C12orf42: variants seen among roughly 807,000 people sequenced by gnomAD.
C12orf42 encodes the protein uncharacterized protein C12orf42.
A neutral mutation model predicts 21.6 loss-of-function variants in C12orf42; 25 were observed. The ratio of observed to expected loss-of-function variants is 1.16; its 90% CI spans 0.84 to 1.62. C12orf42 has a LOEUF of 1.62. Ranked by LOEUF, C12orf42 falls within the 40% of genes most tolerant of loss-of-function variation. C12orf42 has a pLI of 0.00. For missense variants in C12orf42, 483 were observed against 459.3 expected (o/e 1.05, Z -0.47); for synonymous variants, 174 against 175.0 (o/e 0.99, Z 0.05).
At chr12:103,300,311 A>G (rs1232315343), downstream of C12orf42, among the ~76,000 whole-genome samples, 2 of 152,148 alleles carry the variant, frequency 1.3e-5, no homozygotes, top group Admixed American at 6.5e-5. Context: ...TAATGTTACT[A>G]TGACTCTCTA....
downstream of C12orf42, among the ~76,000 whole-genome samples, chr12:103,266,275 C>T (rs955300206): frequency 6.6e-6 from 1 of 152,078 alleles, no homozygotes; most frequent in Non-Finnish European, 1.5e-5. Context: ...GAGAAAGATA[C>T]ATAAAACAAA....
At chr12:103,127,858 T>A in the C12orf42 span, among the ~76,000 whole-genome samples, 1 of 152,320 alleles carries the variant, frequency 6.6e-6, no homozygotes, top group Admixed American at 6.5e-5. Flanking sequence ...CTTTGCTCCT[T>A]TATATTTTTA....
intron 2 of C12orf42, among the ~76,000 whole-genome samples, chr12:103,428,662 C>T (rs1002564095): frequency 2.6e-5 from 4 of 151,906 alleles, no homozygotes; most frequent in African/African-American, 9.7e-5. Flanking sequence ...AGAGACACAA[C>T]AAAAAAAGAA....
chr12:103,532,952 A>T, the C12orf42 span, among the ~76,000 whole-genome samples: 2 of 152,142 alleles, frequency 1.3e-5, no homozygotes, highest in African/African-American at 4.8e-5. Context: ...GACAACGGGG[A>T]ATTGTGTTTC....
the C12orf42 span, among the ~76,000 whole-genome samples, chr12:103,172,315 G>C: frequency 1.3e-5 from 2 of 152,030 alleles, no homozygotes; most frequent in Admixed American, 1.3e-4. Context: ...ATGAGTACGT[G>C]GTGAAGTAAC....
At chr12:103,193,852 A>G in the C12orf42 span, among the ~76,000 whole-genome samples, 3 of 152,176 alleles carry the variant, frequency 2.0e-5, no homozygotes, top group African/African-American at 7.2e-5. Flanking sequence ...TCACTCTGAT[A>G]CCAAAAGCAG....
the C12orf42 span, among the ~76,000 whole-genome samples, chr12:103,114,526 G>A: frequency 6.6e-6 from 1 of 152,168 alleles, no homozygotes; most frequent in Non-Finnish European, 1.5e-5. Context: ...CCCTCAAGGG[G>A]ACTCTGATAA....
At chr12:103,435,547 A>G (rs562132155) in intron 2 of C12orf42, among the ~76,000 whole-genome samples, 261 of 152,350 alleles carry the variant, frequency 1.7e-3, no homozygotes, top group African/African-American at 6.0e-3. Flanking sequence ...AATACAGAGA[A>G]GTGCTTAAAG....
intron 1 of C12orf42, among the ~76,000 whole-genome samples, chr12:103,489,567 A>G (rs530226856): frequency 2.6e-5 from 4 of 152,312 alleles, no homozygotes; most frequent in African/African-American, 9.6e-5. Context: ...AAGTGCCTCT[A>G]TGGAGGCAGT....
intron 2 of C12orf42, among the ~76,000 whole-genome samples, chr12:103,422,825 G>T (rs1251511339): frequency 6.7e-6 from 1 of 149,348 alleles, no homozygotes; most frequent in Non-Finnish European, 1.5e-5. Flanking sequence ...ATTGCAACCT[G>T]GGAACATTAA....
the C12orf42 span, among the ~76,000 whole-genome samples, chr12:103,096,981 CAA>C: frequency 7.9e-3 from 1,207 of 152,308 alleles, 4 homozygotes; most frequent in Middle Eastern, 0.02. Context: ...GATAGGCAAA[CAA>C]TCACTGTACA....
chr12:103,215,359 T>C, the C12orf42 span, among the ~76,000 whole-genome samples: 1 of 152,120 alleles, frequency 6.6e-6, no homozygotes, highest in Non-Finnish European at 1.5e-5. Context: ...AATAAAAATC[T>C]GATAATGACA....
At chr12:103,498,721 G>T (rs1180275265), upstream of C12orf42, among the ~76,000 whole-genome samples, 2 of 152,144 alleles carry the variant, frequency 1.3e-5, no homozygotes, top group African/African-American at 4.8e-5. Flanking sequence ...GCCTTTGCAG[G>T]TACATGGATG....
chr12:103,199,177 T>C, the C12orf42 span, among the ~76,000 whole-genome samples: 1 of 152,176 alleles, frequency 6.6e-6, no homozygotes, highest in African/African-American at 2.4e-5. Context: ...GGTCAACTGA[T>C]GTTTCACAAC....
chr12:103,280,075 T>C (rs143079980), intron 4 of C12orf42, among the ~76,000 whole-genome samples: 111 of 152,332 alleles, frequency 7.3e-4, no homozygotes, highest in African/African-American at 2.6e-3. Flanking sequence ...ACATTGAATA[T>C]GTACAATGTC....
the C12orf42 span, among the ~76,000 whole-genome samples, chr12:103,522,062 C>G: frequency 6.6e-6 from 1 of 152,098 alleles, no homozygotes; most frequent in Non-Finnish European, 1.5e-5. Context: ...TTGGCTGTGT[C>G]CCCACCCAAA....
At chr12:103,182,600 C>G in the C12orf42 span, among the ~76,000 whole-genome samples, 8 of 152,264 alleles carry the variant, frequency 5.3e-5, no homozygotes, top group East Asian at 1.5e-3. Context: ...GCACACTAAC[C>G]ACTAGGGGTT....
the C12orf42 span, among the ~76,000 whole-genome samples, chr12:103,069,638 AAAGTCAAAAAATTGT>A: frequency 2.6e-5 from 4 of 152,210 alleles, no homozygotes; most frequent in Non-Finnish European, 5.9e-5. Context: ...TGTAAAGTCT[AAAGTCAAAAAATTGT>A]AAGTCAAGCC....
intron 3 of C12orf42, among the ~76,000 whole-genome samples, chr12:103,395,841 A>C (rs1349505318): frequency 6.6e-6 from 1 of 150,750 alleles, no homozygotes. Context: ...ATAAAATAGT[A>C]CTCCAGTTAT....
Sources: gnomAD v4.1 joint callset for allele counts (sites outside exome capture counted in the v4.1 genomes callset) on GRCh38, gnomAD v4.1.1 for gene constraint, MANE v1.5 for transcripts, NCBI Gene and HGNC (gene_info 2026-07-23, HGNC 2026-07-21) for gene names.